SCN1A: variants seen among roughly 807,000 people sequenced by gnomAD.
SCN1A encodes sodium channel protein type 1 subunit alpha.
SCN1A carries 13 observed loss-of-function variants against 193.7 expected under a neutral mutation model. The ratio of observed to expected loss-of-function variants is 0.07; its 90% CI spans 0.04 to 0.11. SCN1A has a LOEUF of 0.11. Among genes scored for constraint, SCN1A ranks in the 10% least tolerant of loss-of-function variants. The probability of loss-of-function intolerance (pLI) is 1.00; values close to 1 mark genes in which losing one functional copy is unlikely to be tolerated. For missense variants in SCN1A, 1,432 were observed against 2,451.1 expected, an observed-to-expected ratio of 0.58 and a Z score of 8.78; for synonymous variants, 781 against 843.6, an observed-to-expected ratio of 0.93 and a Z score of 1.29.
Position 166,051,881 on chromosome 2 carries a change from G to T in SCN1A, c.802C>A (p.Leu268Met). ...TTATTCCTCAGGTTGCCCATGAACA[G>T]CTGCAGCCCAATTAGAGCAAATACG... is the stretch of plus-strand genomic sequence containing the variant. Reference protein sequence around the residue: ...LSVFALIGLQLFMGNLRNKCI... With the variant: ...LSVFALIGLQMFMGNLRNKCI... The change falls in exon 9 of 29, where the codon CTG becomes ATG. Residue 268 changes from leucine (L) to methionine (M), a missense_variant. Physicochemically the swap from Leu to Met is conservative, Grantham distance 15. This residue lies in a region of SCN1A where 123 missense variants were observed against 282.8 expected (regional missense o/e 0.43). Transcript: ENST00000674923. 6.2e-7 allele frequency: 1 copy of T among 1,612,662 alleles called. No homozygotes were observed. Among genetic ancestry groups the T allele is most frequent in the Non-Finnish European group, 8.5e-7 (1 of 1,179,060 alleles).
intron 22 of SCN1A, among the ~76,000 whole-genome samples, chr2:166,011,533 A>C (rs1692446320): frequency 6.6e-6 from 1 of 151,134 alleles, no homozygotes; most frequent in African/African-American, 2.4e-5. Flanking sequence ...CTTTCCCTAC[A>C]CTCTACATAC....
intron 4 of SCN1A, among the ~76,000 whole-genome samples, chr2:166,066,496 A>G (rs1683855010): frequency 6.6e-6 from 1 of 152,184 alleles, no homozygotes; most frequent in African/African-American, 2.4e-5. Flanking sequence ...TGAATTCTAA[A>G]GTGTCAATAA....
intron 7 of SCN1A, chr2:166,053,208 T>G (rs545986334): frequency 1.5e-6 from 1 of 660,156 alleles, no homozygotes; most frequent in Non-Finnish European, 2.7e-6. Flanking sequence ...AAAGACCTTC[T>G]TGGTGATTTT....
intron 19 of SCN1A, among the ~76,000 whole-genome samples, chr2:166,020,599 T>C (rs911985269): frequency 2.0e-5 from 3 of 152,206 alleles, no homozygotes; most frequent in Non-Finnish European, 2.9e-5. Flanking sequence ...TTGTAGAATT[T>C]GAAAAATGCA....
intron 2 of SCN1A, among the ~76,000 whole-genome samples, chr2:166,086,243 C>G (rs1460161323): frequency 1.3e-5 from 2 of 152,064 alleles, no homozygotes; most frequent in Non-Finnish European, 2.9e-5. Flanking sequence ...AAAGACTCCC[C>G]CACTGACATG....
chr2:166,042,699 A>C (rs191837457), intron 14 of SCN1A, among the ~76,000 whole-genome samples: 109 of 152,342 alleles, frequency 7.2e-4, no homozygotes, highest in Non-Finnish European at 2.8e-4. Flanking sequence ...TAAAACTCTT[A>C]AGAGATATAT....
intron 4 of SCN1A, among the ~76,000 whole-genome samples, chr2:166,064,327 T>C (rs994189092): frequency 1.3e-5 from 2 of 152,174 alleles, no homozygotes; most frequent in Non-Finnish European, 2.9e-5. Context: ...TACCTAGTTT[T>C]TATACTTTAA....
intron 5 of SCN1A, 29 bp from the exon 6 acceptor site, chr2:166,056,529 G>A (rs905764905): frequency 1.4e-6 from 2 of 1,473,316 alleles, no homozygotes; most frequent in Non-Finnish European, 1.9e-6. Flanking sequence ...ACACACAAAA[G>A]AAAATCAAAA....
chr2:166,063,742 T>G (rs927221466), intron 4 of SCN1A, among the ~76,000 whole-genome samples: 21 of 152,178 alleles, frequency 1.4e-4, no homozygotes, highest in African/African-American at 4.8e-4. Context: ...GAAATTAATT[T>G]TAACAGTATT....
intron 1 of SCN1A, among the ~76,000 whole-genome samples, chr2:166,145,130 C>T (rs1244931631): frequency 7.0e-6 from 1 of 143,154 alleles, no homozygotes; most frequent in Non-Finnish European, 1.5e-5. Context: ...GCCACTGCAC[C>T]TGGCCTAAGT....
chr2:166,107,330 T>C (rs1436428985), intron 2 of SCN1A, among the ~76,000 whole-genome samples: 1 of 152,194 alleles, frequency 6.6e-6, no homozygotes, highest in Non-Finnish European at 1.5e-5. Context: ...TTTGCATTCT[T>C]CACTGTATCG....
intron 2 of SCN1A, among the ~76,000 whole-genome samples, chr2:166,121,054 C>G (rs1262992853): frequency 6.7e-6 from 1 of 148,798 alleles, no homozygotes; most frequent in Non-Finnish European, 1.5e-5. Flanking sequence ...ATGACCCAAA[C>G]TTGACCAACC....
intron 4 of SCN1A, among the ~76,000 whole-genome samples, chr2:166,062,778 GACTTTTTAAAA>G (rs1422218332): frequency 6.6e-6 from 1 of 152,056 alleles, no homozygotes; most frequent in African/African-American, 2.4e-5. Context: ...TAAATTGGGT[GACTTTTTAAAA>G]ACTTTTTAAA....
At position 166,012,206 on chromosome 2, in the gene SCN1A, T is replaced by C. The variant is rs1220085605; in HGVS notation, c.3782A>G (p.Tyr1261Cys). The change falls in exon 22 of 29, where the codon TAC becomes TGC. Residue 1261 changes from tyrosine to cysteine, a missense_variant. By Grantham distance (194) the Tyr-to-Cys change is radical. Transcript: ENST00000674923. ...TAGAAGCATTTCCAGAATGAAAATG[T>C]AAGTGAAAACCTTGTCAGCATATTC... Reference protein sequence around the residue: ...MLEYADKVFTYIFILEMLLKW... With the variant: ...MLEYADKVFTCIFILEMLLKW... 1 of 1,610,368 alleles carries C rather than the reference T, an allele frequency of 6.2e-7. No homozygotes were observed. The highest frequency in any genetic ancestry group is 8.5e-7 in the Non-Finnish European group (1 of 1,177,374).
chr2:166,050,795 G>T (rs1698469934), intron 9 of SCN1A, among the ~76,000 whole-genome samples: 1 of 150,058 alleles, frequency 6.7e-6, no homozygotes, highest in Non-Finnish European at 1.5e-5. Context: ...TTCTATTACT[G>T]TCTCCTGAAG....
chr2:166,087,730 A>G (rs923913277), intron 2 of SCN1A, among the ~76,000 whole-genome samples: 1 of 152,218 alleles, frequency 6.6e-6, no homozygotes, highest in African/African-American at 2.4e-5. Context: ...AACATGGTCT[A>G]TACAGTCAAT....
intron 19 of SCN1A, among the ~76,000 whole-genome samples, chr2:166,017,138 T>A (rs914179203): frequency 4.0e-5 from 6 of 151,492 alleles, no homozygotes; most frequent in Non-Finnish European, 5.9e-5. Flanking sequence ...TTGAAGATGA[T>A]CTTTGAAATT....
chr2:166,051,115 C>A (rs558566037), intron 9 of SCN1A, among the ~76,000 whole-genome samples: 4 of 152,006 alleles, frequency 2.6e-5, no homozygotes, highest in South Asian at 4.1e-4. Flanking sequence ...TGTATAGCAA[C>A]CAAGGATCCT....
intron 4 of SCN1A, among the ~76,000 whole-genome samples, chr2:166,065,102 A>G (rs930650714): frequency 6.6e-6 from 1 of 152,186 alleles, no homozygotes; most frequent in African/African-American, 2.4e-5. Flanking sequence ...ACAATTCTGA[A>G]TGAATGGCAC....
Sources: gnomAD v4.1 joint callset for allele counts (sites outside exome capture counted in the v4.1 genomes callset) on GRCh38, gnomAD v4.1.1 for gene constraint, gnomAD v4.1.1 regional missense constraint, MANE v1.5 for transcripts, NCBI Gene and HGNC (gene_info 2026-07-23, HGNC 2026-07-21) for gene names.